EPHA5: variants seen among roughly 807,000 people sequenced by gnomAD.
The protein encoded by EPHA5 is EPH receptor A5.
EPHA5 carries 60 observed loss-of-function variants against 105.0 expected under a neutral mutation model. The observed-to-expected ratio is 0.57, with a 90% CI of 0.46 to 0.71. The LOEUF (loss-of-function observed/expected upper bound fraction) is 0.71. Among genes scored for constraint, EPHA5 ranks in the 30% least tolerant of loss-of-function variants. The probability of loss-of-function intolerance (pLI) is 0.00; values close to 1 mark genes in which losing one functional copy is unlikely to be tolerated. For synonymous variants in EPHA5, 513 were observed against 449.1 expected, an observed-to-expected ratio of 1.14 and a Z score of -1.80; for missense variants, 1,218 against 1,274.7, an observed-to-expected ratio of 0.96 and a Z score of 0.68.
chr4:65,608,422 T>C (rs1218388937), intron 2 of EPHA5, among the ~76,000 whole-genome samples: 3 of 151,410 alleles, frequency 2.0e-5, no homozygotes, highest in Non-Finnish European at 2.9e-5. Context: ...GAGAATGGCA[T>C]GAACCCATGA....
chr4:65,468,814 A>G (rs1729012315), intron 5 of EPHA5, among the ~76,000 whole-genome samples: 1 of 151,232 alleles, frequency 6.6e-6, no homozygotes, highest in Non-Finnish European at 1.5e-5. Flanking sequence ...ACAAAATTAC[A>G]CAAAAATACT....
At chr4:65,467,762 A>C (rs1045853773) in intron 5 of EPHA5, among the ~76,000 whole-genome samples, 1 of 152,246 alleles carries the variant, frequency 6.6e-6, no homozygotes, top group African/African-American at 2.4e-5. Context: ...TGCAGATAGA[A>C]TAAAGTTTGC....
chr4:65,328,386 AAT>A (rs991636567), intron 16 of EPHA5, among the ~76,000 whole-genome samples: 17 of 151,284 alleles, frequency 1.1e-4, no homozygotes, highest in Non-Finnish European at 1.5e-5. Flanking sequence ...GCAGAATGAA[AAT>A]AGAGTAATAA....
rs908813784 is a variant in EPHA5 at position 65,606,453 on chromosome 4, C to A, written c.247-4149G>T. Among the ~76,000 whole-genome samples, 3 of 151,944 alleles carry A rather than the reference C, an allele frequency of 2.0e-5. No individual in the cohort carries two copies. The South Asian group carries it at 6.2e-4, about 32-fold the overall frequency. On this transcript the variant is annotated intron_variant, in intron 2 of 16. Coordinates refer to ENST00000613740, the MANE Select transcript of EPHA5 (RefSeq NM_001281766.3). Reference sequence around the variant, plus strand: ...AAAATACATTTTCTTCTCTGTAAATCGTCAGAATTTTATAAGAGCAAATTA... The same window carrying A: ...AAAATACATTTTCTTCTCTGTAAATAGTCAGAATTTTATAAGAGCAAATTA...
At chr4:65,641,294 A>T (rs961888231) in intron 2 of EPHA5, among the ~76,000 whole-genome samples, 10 of 152,168 alleles carry the variant, frequency 6.6e-5, no homozygotes, top group Non-Finnish European at 1.5e-4. Context: ...TCTTTAAAAG[A>T]TTCAGTCATT....
At chr4:65,489,362 G>A (rs1731192928) in intron 5 of EPHA5, among the ~76,000 whole-genome samples, 1 of 152,114 alleles carries the variant, frequency 6.6e-6, no homozygotes, top group African/African-American at 2.4e-5. Flanking sequence ...TATAAACTAA[G>A]CCTGATTTCA....
intron 5 of EPHA5, among the ~76,000 whole-genome samples, chr4:65,457,030 G>T (rs546447546): frequency 4.6e-5 from 7 of 151,698 alleles, no homozygotes; most frequent in African/African-American, 1.7e-4. Context: ...AGACAGAAAT[G>T]ATAACCTGAG....
intron 6 of EPHA5, among the ~76,000 whole-genome samples, chr4:65,419,478 C>T (rs776064078): frequency 6.6e-6 from 1 of 152,118 alleles, no homozygotes; most frequent in African/African-American, 2.4e-5. Flanking sequence ...TTGGGATCTG[C>T]ATGTCTGCAT....
chr4:65,335,656 AT>A (rs10713255), intron 15 of EPHA5, among the ~76,000 whole-genome samples: 86,134 of 151,490 alleles, frequency 0.57, 26,719 homozygotes, highest in South Asian at 0.71. Flanking sequence ...CACACATTTA[AT>A]TTTTTTTTAT....
At chr4:65,378,778 C>A (rs545134158) in intron 8 of EPHA5, among the ~76,000 whole-genome samples, 1 of 121,048 alleles carries the variant, frequency 8.3e-6, no homozygotes, top group African/African-American at 2.7e-5. Flanking sequence ...TGCTTGTTTT[C>A]TTTCTTTCTT....
chr4:65,405,821 G>A (rs1323198988), intron 7 of EPHA5, among the ~76,000 whole-genome samples: 1 of 151,916 alleles, frequency 6.6e-6, no homozygotes, highest in Admixed American at 6.6e-5. Context: ...CCCCAGAGTC[G>A]CTAGTACCCT....
intron 5 of EPHA5, among the ~76,000 whole-genome samples, chr4:65,464,174 T>C (rs536633544): frequency 2.7e-4 from 41 of 152,002 alleles, no homozygotes; most frequent in African/African-American, 9.6e-4. Flanking sequence ...TAACTTTATT[T>C]TGGGAAGTGT....
chr4:65,467,342 C>T (rs1728818471), intron 5 of EPHA5, among the ~76,000 whole-genome samples: 1 of 152,164 alleles, frequency 6.6e-6, no homozygotes. Flanking sequence ...ATTCTCCACC[C>T]CTGTCAATTT....
At chr4:65,574,705 T>TAC (rs1560717959) in intron 3 of EPHA5, among the ~76,000 whole-genome samples, 101 of 81,238 alleles carry the variant, frequency 1.2e-3, no homozygotes, top group Non-Finnish European at 2.2e-3. Flanking sequence ...TATACATATA[T>TAC]ATACATATAT....
At chr4:65,554,517 AG>A (rs1170132764) in intron 3 of EPHA5, among the ~76,000 whole-genome samples, 1 of 151,238 alleles carries the variant, frequency 6.6e-6, no homozygotes, top group Non-Finnish European at 1.5e-5. Flanking sequence ...CTGATAGTTG[AG>A]GAAAAAAGGT....
At chr4:65,484,425 A>G (rs898529879) in intron 5 of EPHA5, among the ~76,000 whole-genome samples, 1 of 152,096 alleles carries the variant, frequency 6.6e-6, no homozygotes, top group Non-Finnish European at 1.5e-5. Flanking sequence ...AAACCCATGA[A>G]AGTATAGGTA....
intron 3 of EPHA5, among the ~76,000 whole-genome samples, chr4:65,551,551 G>T (rs1281316121): frequency 1.3e-5 from 2 of 152,034 alleles, no homozygotes; most frequent in Non-Finnish European, 2.9e-5. Flanking sequence ...TATAGTGAAT[G>T]ATCACTACTT....
intron 3 of EPHA5, among the ~76,000 whole-genome samples, chr4:65,587,998 C>A (rs1404946632): frequency 1.3e-5 from 2 of 152,078 alleles, no homozygotes; most frequent in East Asian, 1.9e-4. Flanking sequence ...CATTTTATTG[C>A]AGAACATATA....
At chr4:65,532,670 AG>A (rs1735922363) in intron 3 of EPHA5, among the ~76,000 whole-genome samples, 1 of 70,374 alleles carries the variant, frequency 1.4e-5, no homozygotes. Context: ...TATTGGTTAC[AG>A]TTTTTTTTTT....
Sources: allele counts gnomAD v4.1 joint callset (sites outside exome capture counted in the v4.1 genomes callset), GRCh38; gene constraint gnomAD v4.1.1; transcripts MANE v1.5; gene names NCBI Gene and HGNC (gene_info 2026-07-23, HGNC 2026-07-21).